Variants in VPS13B observed in about 807,000 individuals in gnomAD.
VPS13B encodes intermembrane lipid transfer protein VPS13B.
VPS13B carries 285 observed loss-of-function variants against 426.4 expected under a neutral mutation model. The observed-to-expected ratio is 0.67, with a 90% CI of 0.61 to 0.74. The LOEUF (loss-of-function observed/expected upper bound fraction) is 0.74, where lower values mean the gene tolerates loss of function less well. VPS13B is among the 30% of genes least tolerant of loss of function. The probability of loss-of-function intolerance (pLI) is 0.00; values close to 1 mark genes in which losing one functional copy is unlikely to be tolerated. For missense variants in VPS13B, 4,537 were observed against 4,782.6 expected (o/e 0.95, Z 1.51); for synonymous variants, 1,676 against 1,676.4 (o/e 1.00, Z 0.01).
intron 16 of VPS13B, among the ~76,000 whole-genome samples, chr8:99,179,023 C>T (rs376856972): frequency 6.6e-6 from 1 of 152,086 alleles, no homozygotes; most frequent in African/African-American, 2.4e-5. Flanking sequence ...CTTCATTATG[C>T]CTTATAACTT....
At chr8:99,180,933 T>TA (rs1321352462) in intron 16 of VPS13B, among the ~76,000 whole-genome samples, 2 of 152,178 alleles carry the variant, frequency 1.3e-5, no homozygotes, top group Non-Finnish European at 2.9e-5. Flanking sequence ...TTCAGAATGT[T>TA]AAGGATTGTG....
intron 19 of VPS13B, among the ~76,000 whole-genome samples, chr8:99,293,608 C>T (rs1162160508): frequency 1.5e-5 from 2 of 136,168 alleles, no homozygotes; most frequent in East Asian, 2.3e-4. Context: ...AACAGGCAAC[C>T]TACAACATGG....
chr8:99,561,407 G>A (rs1003564712), intron 31 of VPS13B, among the ~76,000 whole-genome samples: 13 of 152,014 alleles, frequency 8.6e-5, no homozygotes, highest in African/African-American at 2.9e-4. Flanking sequence ...TTTTATAGCC[G>A]AATAATATTC....
At chr8:99,199,139 C>A (rs1194536602) in intron 17 of VPS13B, among the ~76,000 whole-genome samples, 1 of 152,076 alleles carries the variant, frequency 6.6e-6, no homozygotes, top group Non-Finnish European at 1.5e-5. Flanking sequence ...ATCTCTCAGA[C>A]TTAGGTTCTG....
chr8:99,754,354 A>G (rs1292795315), intron 39 of VPS13B, among the ~76,000 whole-genome samples: 4 of 152,098 alleles, frequency 2.6e-5, no homozygotes, highest in Non-Finnish European at 4.4e-5. Flanking sequence ...CTCAATTTGC[A>G]TTTGTTTTGA....
chr8:99,674,522 TC>T (rs1237544943), intron 35 of VPS13B, among the ~76,000 whole-genome samples: 1 of 152,076 alleles, frequency 6.6e-6, no homozygotes, highest in Non-Finnish European at 1.5e-5. Context: ...GTTTTTATAA[TC>T]TATTAATTTG....
At chr8:99,050,966 C>T (rs1161177758) in intron 3 of VPS13B, among the ~76,000 whole-genome samples, 3 of 151,684 alleles carry the variant, frequency 2.0e-5, no homozygotes, top group Non-Finnish European at 4.4e-5. Context: ...AAATTTTTTT[C>T]CCATTCTGTA....
At chr8:99,437,269 A>G (rs1402043837) in intron 22 of VPS13B, among the ~76,000 whole-genome samples, 1 of 152,154 alleles carries the variant, frequency 6.6e-6, no homozygotes, top group African/African-American at 2.4e-5. Flanking sequence ...GAATAGAAAC[A>G]TGTATATTAC....
intron 33 of VPS13B, among the ~76,000 whole-genome samples, chr8:99,631,523 T>A (rs1169335085): frequency 6.6e-6 from 1 of 152,044 alleles, no homozygotes; most frequent in African/African-American, 2.4e-5. Context: ...TAGGCAAAGT[T>A]TGGAAAAGCA....
intron 22 of VPS13B, among the ~76,000 whole-genome samples, chr8:99,432,092 A>T (rs1024751438): frequency 6.6e-6 from 1 of 152,034 alleles, no homozygotes; most frequent in Non-Finnish European, 1.5e-5. Flanking sequence ...TATAATAGCT[A>T]TTTCCTTATT....
intron 17 of VPS13B, among the ~76,000 whole-genome samples, chr8:99,204,357 C>G (rs1161866650): frequency 6.6e-6 from 1 of 152,110 alleles, no homozygotes; most frequent in African/African-American, 2.4e-5. Flanking sequence ...CAAAAATTAA[C>G]TCAAGATGGA....
At chr8:99,641,111 A>G (rs747571594) in intron 33 of VPS13B, among the ~76,000 whole-genome samples, 1 of 152,172 alleles carries the variant, frequency 6.6e-6, no homozygotes, top group Non-Finnish European at 1.5e-5. Context: ...ATTGGTGGAA[A>G]ATTTTGAGAA....
chr8:99,392,541 C>T (rs1159169535), intron 21 of VPS13B, among the ~76,000 whole-genome samples: 1 of 151,994 alleles, frequency 6.6e-6, no homozygotes, highest in Non-Finnish European at 1.5e-5. Context: ...TCAGAACCAT[C>T]TATCAAGTCT....
chr8:99,538,705 TA>T (rs1207564959), intron 30 of VPS13B, among the ~76,000 whole-genome samples: 3 of 152,210 alleles, frequency 2.0e-5, no homozygotes, highest in African/African-American at 7.2e-5. Context: ...TGTGATAAAA[TA>T]AATTGTCTTT....
chr8:99,192,859 T>C lies in VPS13B; in HGVS notation c.2334-17T>C, dbSNP rs760748299. ...TGCTATTTACTGTATTGCGATTCTT[T>C]CTGTTTTCTTGTGCAGGACCAAAAG... On this transcript the variant is annotated splice_polypyrimidine_tract_variant and intron_variant, in intron 16 of 61. Coordinates refer to ENST00000357162, the MANE Select transcript of VPS13B (RefSeq NM_152564.5). 3 of 1,611,842 alleles carry C rather than the reference T, an allele frequency of 1.9e-6. No individual in the cohort carries two copies. In the African/African-American group the frequency reaches 4.0e-5, roughly 22 times the overall value.
intron 33 of VPS13B, among the ~76,000 whole-genome samples, chr8:99,621,500 C>T (rs1250238663): frequency 6.6e-6 from 1 of 152,094 alleles, no homozygotes; most frequent in Non-Finnish European, 1.5e-5. Flanking sequence ...GCCCAGTTGA[C>T]TTTTTTATAA....
intron 35 of VPS13B, among the ~76,000 whole-genome samples, chr8:99,698,260 A>G (rs760918716): frequency 1.7e-4 from 26 of 152,238 alleles, no homozygotes; most frequent in Non-Finnish European, 2.1e-4. Flanking sequence ...CAGCTGCTGC[A>G]GCTGCCTGAC....
chr8:99,604,516 T>C (rs937929014), intron 33 of VPS13B, among the ~76,000 whole-genome samples: 5 of 143,682 alleles, frequency 3.5e-5, no homozygotes, highest in Non-Finnish European at 7.6e-5. Flanking sequence ...TTTTTTTTTT[T>C]TGAGACAGAG....
chr8:99,484,804 C>T (rs1820215355), intron 25 of VPS13B, among the ~76,000 whole-genome samples: 1 of 148,726 alleles, frequency 6.7e-6, no homozygotes, highest in African/African-American at 2.5e-5. Context: ...AATTGATCAT[C>T]ATATCATAAC....
Sources: allele counts gnomAD v4.1 joint callset (sites outside exome capture counted in the v4.1 genomes callset), GRCh38; gene constraint gnomAD v4.1.1; transcripts MANE v1.5; gene names NCBI Gene and HGNC (gene_info 2026-07-23, HGNC 2026-07-21).